NCKIPSD: variants seen among roughly 807,000 people sequenced by gnomAD.
NCKIPSD encodes NCK-interacting protein with SH3 domain.
A neutral mutation model predicts 73.4 loss-of-function variants in NCKIPSD; 48 were observed. That is an observed-to-expected ratio of 0.65 (90% CI 0.52 to 0.83). The LOEUF (loss-of-function observed/expected upper bound fraction) is 0.83, where lower values mean the gene tolerates loss of function less well. NCKIPSD is among the 40% of genes least tolerant of loss of function. The pLI is 0.00. For synonymous variants in NCKIPSD, 422 were observed against 403.6 expected (o/e 1.05, Z -0.54); for missense variants, 884 against 970.2 (o/e 0.91, Z 1.18).
chr3:48,679,632 G>T lies in NCKIPSD; in HGVS notation c.1432C>A (p.Leu478Ile), dbSNP rs201590619. 62 of 1,614,220 alleles carry T rather than the reference G, an allele frequency of 3.8e-5. No individual in the cohort carries two copies. In the East Asian group the frequency reaches 1.3e-3, roughly 34 times the overall value. The change falls in exon 8 of 13, where the codon CTT becomes ATT. Residue 478 changes from leucine (L) to isoleucine (I), a missense_variant. Coordinates refer to ENST00000294129, the MANE Select transcript of NCKIPSD (RefSeq NM_016453.4). ...TCTACAGGCAGCACGGATGACACAA[G>T]CGTGGAGATGATGGCTGCATCCAGG... Reference protein sequence around the residue: ...CSLDAAIISTLVSSVLPVELA... With the variant: ...CSLDAAIISTIVSSVLPVELA...
chr3:48,685,782 C>A lies in NCKIPSD; in HGVS notation c.26G>T (p.Arg9Leu). 2 of 1,528,104 alleles carry A rather than the reference C, an allele frequency of 1.3e-6. No individual in the cohort carries two copies. The highest frequency in any genetic ancestry group is 1.4e-5 in the African/African-American group (1 of 70,474). The allele number at this position is 1,528,104 out of a possible 1,614,324, so 94.7% of individuals were successfully genotyped here. A position where few individuals can be genotyped will look rare whatever the true frequency, so the allele number is the denominator to read the frequency against. MYRALYAF[R>L]SAEPNALAFA... ...CGCCAGCGCGTTGGGCTCCGCCGAG[C>A]GGAACGCGTACAGCGCGCGGTACAT... The change falls in exon 1 of 13, where the codon CGC becomes CTC. Residue 9 changes from arginine (R) to leucine (L), a missense_variant. By Grantham distance (102) the Arg-to-Leu change is moderately radical. Transcript: ENST00000294129.
At chr3:48,685,158 C>CG (rs1385884172) in intron 1 of NCKIPSD, among the ~76,000 whole-genome samples, 6 of 118,644 alleles carry the variant, frequency 5.1e-5, no homozygotes, top group African/African-American at 1.0e-4. Context: ...GTGGCTCCAA[C>CG]GGGGGGCAAG....
At chr3:48,683,389 T>C (rs1250563955) in intron 1 of NCKIPSD, among the ~76,000 whole-genome samples, 1 of 152,164 alleles carries the variant, frequency 6.6e-6, no homozygotes, top group Admixed American at 6.5e-5. Context: ...AGAGCCCAGG[T>C]TGAGATGCCA....
chr3:48,683,122 G>A (rs2077382771), intron 1 of NCKIPSD, 110 bp from the exon 2 acceptor site: 2 of 1,526,170 alleles, frequency 1.3e-6, no homozygotes, highest in Admixed American at 2.0e-5. Flanking sequence ...GCGAAAGCCT[G>A]GAATGCTAGA....
chr3:48,676,308 C>G (rs1043198777), intron 12 of NCKIPSD, among the ~76,000 whole-genome samples: 7 of 152,142 alleles, frequency 4.6e-5, no homozygotes, highest in African/African-American at 1.7e-4. Flanking sequence ...CTGTCCCTAC[C>G]AGAATGAGCA....
intron 12 of NCKIPSD, among the ~76,000 whole-genome samples, chr3:48,677,367 AAC>A (rs1300291940): frequency 1.3e-5 from 2 of 151,634 alleles, no homozygotes; most frequent in Non-Finnish European, 2.9e-5. Flanking sequence ...CAGCCTTGGC[AAC>A]AGTGGGAGAC....
Sources: allele counts gnomAD v4.1 joint callset (sites outside exome capture counted in the v4.1 genomes callset), GRCh38; gene constraint gnomAD v4.1.1; transcripts MANE v1.5; gene names NCBI Gene and HGNC (gene_info 2026-07-23, HGNC 2026-07-21).